The following TMEM45A variants were observed in gnomAD, a reference collection of about 807,000 sequenced individuals.
The protein encoded by TMEM45A is transmembrane protein 45A.
In TMEM45A, 25 loss-of-function variants were observed where a neutral mutation model predicts 32.0. The observed-to-expected ratio is 0.78, with a 90% CI of 0.57 to 1.09. The LOEUF (loss-of-function observed/expected upper bound fraction) is 1.09, where lower values mean the gene tolerates loss of function less well. Ranked by LOEUF, TMEM45A falls within the 50% of genes least tolerant of loss-of-function variation. The pLI is 0.00. For synonymous variants in TMEM45A, 122 were observed against 114.8 expected (o/e 1.06, Z -0.40); for missense variants, 302 against 325.0 (o/e 0.93, Z 0.54).
intron 1 of TMEM45A, among the ~76,000 whole-genome samples, chr3:100,493,959 T>C (rs1319654369): frequency 6.6e-6 from 1 of 152,230 alleles, no homozygotes; most frequent in Non-Finnish European, 1.5e-5. Context: ...CTTGAACTCC[T>C]GACCTCAGGT....
At position 100,494,836 on chromosome 3, in the gene TMEM45A, C is replaced by T. The variant is rs116425713; in HGVS notation, c.-4+1908C>T. Among the ~76,000 whole-genome samples the T allele has an allele frequency of 1.8e-3, 268 of 152,286 alleles. 3 individuals are homozygous for T. Among genetic ancestry groups the T allele is most frequent in the African/African-American group, 6.3e-3 (262 of 41,546 alleles). On this transcript the variant is annotated intron_variant, in intron 1 of 5. Transcript: ENST00000323523. Reference sequence around the variant, plus strand: ...GGCAAGTTACTCAGCCCCCCTGTGCCTCAGCTTCCTCCTCTGTAACATGGA... The same window carrying T: ...GGCAAGTTACTCAGCCCCCCTGTGCTTCAGCTTCCTCCTCTGTAACATGGA...
At chr3:100,556,389 A>C (rs1706222407) in intron 2 of TMEM45A, among the ~76,000 whole-genome samples, 1 of 152,248 alleles carries the variant, frequency 6.6e-6, no homozygotes, top group Non-Finnish European at 1.5e-5. Flanking sequence ...CCAAAGATGT[A>C]GTATTTAAGA....
At chr3:100,516,892 C>G (rs1240801555) in intron 1 of TMEM45A, among the ~76,000 whole-genome samples, 4 of 151,966 alleles carry the variant, frequency 2.6e-5, no homozygotes. Context: ...GATATCCTCT[C>G]CCTGGCATGA....
intron 1 of TMEM45A, among the ~76,000 whole-genome samples, chr3:100,533,165 A>C (rs1209559430): frequency 1.3e-5 from 2 of 152,108 alleles, no homozygotes; most frequent in Non-Finnish European, 2.9e-5. Context: ...GAGGTCAACC[A>C]AGCTTAGGCA....
chr3:100,534,722 G>C (rs1010546204), intron 1 of TMEM45A, among the ~76,000 whole-genome samples: 1 of 152,196 alleles, frequency 6.6e-6, no homozygotes, highest in African/African-American at 2.4e-5. Flanking sequence ...AGGGGTATTT[G>C]GTGCTGTAGA....
chr3:100,498,161 TC>T (rs1224041770), intron 1 of TMEM45A, among the ~76,000 whole-genome samples: 1 of 152,192 alleles, frequency 6.6e-6, no homozygotes, highest in African/African-American at 2.4e-5. Context: ...GTGAAGAAGG[TC>T]CTTGCTTACC....
intron 1 of TMEM45A, among the ~76,000 whole-genome samples, chr3:100,554,201 C>CA (rs1052792532): frequency 2.7e-5 from 4 of 150,130 alleles, no homozygotes; most frequent in African/African-American, 9.8e-5. Flanking sequence ...TAGCAGGGAC[C>CA]AAAAATGGAG....
At chr3:100,515,244 A>T (rs1157059969) in intron 1 of TMEM45A, among the ~76,000 whole-genome samples, 1 of 152,024 alleles carries the variant, frequency 6.6e-6, no homozygotes, top group Non-Finnish European at 1.5e-5. Context: ...TCCAACAATG[A>T]TAGACTGGAT....
chr3:100,551,028 T>TTTTTTG (rs1706087665), intron 1 of TMEM45A, among the ~76,000 whole-genome samples: 1 of 149,948 alleles, frequency 6.7e-6, no homozygotes, highest in Non-Finnish European at 1.5e-5. Flanking sequence ...TTTTTTTTTT[T>TTTTTTG]TTTGAGACGG....
chr3:100,551,010 CTTT>C (rs747148114), intron 1 of TMEM45A, among the ~76,000 whole-genome samples: 1 of 119,618 alleles, frequency 8.4e-6, no homozygotes, highest in Non-Finnish European at 1.7e-5. Context: ...GGGTGAACTG[CTTT>C]TTTTTTTTTT....
chr3:100,493,512 A>T (rs1186861923), intron 1 of TMEM45A, among the ~76,000 whole-genome samples: 1 of 151,968 alleles, frequency 6.6e-6, no homozygotes, highest in Non-Finnish European at 1.5e-5. Flanking sequence ...GGAGACCTGA[A>T]TTCCTTTATA....
At position 100,570,412 on chromosome 3, in the gene TMEM45A, T is replaced by C. The variant is rs189561625; in HGVS notation, c.734+1445T>C. ...ATCATTCCTTTGTCTAGCTCTCAGC[T>C]ATCTCTGTTCAGCTGCAGGTCAGCC... On this transcript the variant is annotated intron_variant, in intron 5 of 5. Coordinates refer to ENST00000323523, the MANE Select transcript of TMEM45A (RefSeq NM_018004.3). Among the ~76,000 whole-genome samples, 817 of 152,368 alleles carry C rather than the reference T, an allele frequency of 5.4e-3. 8 individuals carry two copies. Among genetic ancestry groups the C allele is most frequent in the Non-Finnish European group, 8.3e-3 (564 of 68,026 alleles).
intron 2 of TMEM45A, among the ~76,000 whole-genome samples, chr3:100,555,662 A>G (rs1706205710): frequency 6.6e-6 from 1 of 152,178 alleles, no homozygotes; most frequent in Non-Finnish European, 1.5e-5. Flanking sequence ...AAATTGGAGA[A>G]AGAGATTAGG....
chr3:100,511,387 A>C lies in TMEM45A; in HGVS notation c.-4+18459A>C, dbSNP rs568808028. On this transcript the variant is annotated intron_variant, in intron 1 of 5. Coordinates refer to ENST00000323523, the MANE Select transcript of TMEM45A (RefSeq NM_018004.3). ...CCAGCCAAACTAAGCTTCATAAGTG[A>C]AGGAGAAATAAAATCCTTTACAGAC... Among the ~76,000 whole-genome samples, 104 of 151,442 alleles carry C rather than the reference A, an allele frequency of 6.9e-4. 1 individual carries two copies. The highest frequency in any genetic ancestry group is 2.5e-3 in the African/African-American group (103 of 41,508).
intron 1 of TMEM45A, among the ~76,000 whole-genome samples, chr3:100,515,619 A>G (rs1708249284): frequency 7.4e-6 from 1 of 135,524 alleles, no homozygotes; most frequent in Admixed American, 7.6e-5. Flanking sequence ...CCTAAAACTT[A>G]AAGTATAATA....
At chr3:100,526,118 C>T (rs984686683) in intron 1 of TMEM45A, among the ~76,000 whole-genome samples, 12 of 152,180 alleles carry the variant, frequency 7.9e-5, no homozygotes, top group Admixed American at 1.3e-4. Context: ...CTCTGTGTGA[C>T]GCTGCCAAAT....
intron 1 of TMEM45A, among the ~76,000 whole-genome samples, chr3:100,531,751 G>A (rs927502265): frequency 6.6e-6 from 1 of 152,204 alleles, no homozygotes; most frequent in African/African-American, 2.4e-5. Context: ...GGGGCATACA[G>A]TAATTACATA....
intron 1 of TMEM45A, among the ~76,000 whole-genome samples, chr3:100,522,570 A>G (rs1389522486): frequency 6.6e-6 from 1 of 152,052 alleles, no homozygotes; most frequent in Non-Finnish European, 1.5e-5. Flanking sequence ...ATGCTTCCCA[A>G]CCTTTTTCAT....
At chr3:100,513,361 C>G (rs1443373299) in intron 1 of TMEM45A, among the ~76,000 whole-genome samples, 1 of 151,784 alleles carries the variant, frequency 6.6e-6, no homozygotes, top group African/African-American at 2.4e-5. Context: ...ATAAACAGAA[C>G]CAAAGACAAA....
Sources: allele counts gnomAD v4.1 joint callset (sites outside exome capture counted in the v4.1 genomes callset), GRCh38; gene constraint gnomAD v4.1.1; transcripts MANE v1.5; gene names NCBI Gene and HGNC (gene_info 2026-07-23, HGNC 2026-07-21).